Variants in RSRC1 observed in about 807,000 individuals in gnomAD.
RSRC1 encodes the protein arginine and serine rich coiled-coil 1.
Under a neutral mutation model 49.1 loss-of-function variants are expected in RSRC1, and 39 were observed. The observed-to-expected ratio is 0.79, with a 90% CI of 0.61 to 1.04. RSRC1 has a LOEUF of 1.04. Among genes scored for constraint, RSRC1 ranks in the 50% least tolerant of loss-of-function variants. The pLI, the probability that RSRC1 is intolerant of heterozygous loss-of-function variation, is 0.00. For missense variants in RSRC1, 388 were observed against 402.4 expected (o/e 0.96, Z 0.31); for synonymous variants, 143 against 130.8 (o/e 1.09, Z -0.63).
chr3:158,391,433 A>G (rs931737919), intron 6 of RSRC1, among the ~76,000 whole-genome samples: 4 of 152,156 alleles, frequency 2.6e-5, no homozygotes, highest in Admixed American at 1.3e-4. Flanking sequence ...AATGCCTACC[A>G]CTTGCCAGGA....
At chr3:158,135,290 G>A (rs1383795646) in intron 3 of RSRC1, among the ~76,000 whole-genome samples, 1 of 137,490 alleles carries the variant, frequency 7.3e-6, no homozygotes, top group Non-Finnish European at 1.6e-5. Context: ...TTTTTTTTGA[G>A]ACAGAATCTC....
chr3:158,397,880 A>T (rs916726781), intron 6 of RSRC1, among the ~76,000 whole-genome samples: 13 of 152,082 alleles, frequency 8.5e-5, no homozygotes, highest in African/African-American at 2.7e-4. Flanking sequence ...AGAGATAGAA[A>T]AGTTAGGTTA....
chr3:158,277,015 G>GTA (rs937566233), intron 4 of RSRC1, among the ~76,000 whole-genome samples: 67 of 152,202 alleles, frequency 4.4e-4, no homozygotes, highest in Admixed American at 3.7e-3. Context: ...GGGCTAAACA[G>GTA]TATATATATA....
intron 1 of RSRC1, among the ~76,000 whole-genome samples, chr3:158,116,440 G>T (rs1321064611): frequency 6.6e-6 from 1 of 152,072 alleles, no homozygotes; most frequent in East Asian, 1.9e-4. Flanking sequence ...CATTTCATAA[G>T]AATATTAAAA....
At chr3:158,389,419 A>G (rs1733151053) in intron 6 of RSRC1, among the ~76,000 whole-genome samples, 1 of 152,350 alleles carries the variant, frequency 6.6e-6, no homozygotes, top group African/African-American at 2.4e-5. Context: ...ATATTCAGCT[A>G]GATATTGTCA....
At chr3:158,205,671 C>G (rs1395011670) in intron 4 of RSRC1, among the ~76,000 whole-genome samples, 2 of 152,060 alleles carry the variant, frequency 1.3e-5, no homozygotes, top group Non-Finnish European at 2.9e-5. Flanking sequence ...CGAAACCTAA[C>G]TAAGAGTAGC....
intron 4 of RSRC1, among the ~76,000 whole-genome samples, chr3:158,273,066 A>G (rs965938072): frequency 1.3e-5 from 2 of 152,022 alleles, no homozygotes; most frequent in Admixed American, 6.6e-5. Context: ...ATCTTCTGAT[A>G]TTAGTGGAAA....
intron 5 of RSRC1, among the ~76,000 whole-genome samples, chr3:158,325,592 C>T (rs528345483): frequency 6.6e-6 from 1 of 152,162 alleles, no homozygotes; most frequent in South Asian, 2.1e-4. Context: ...ATCTATATCT[C>T]TGTTTTGGTA....
At chr3:158,336,918 TGGCCCTTGACCA>T (rs1729929961) in intron 5 of RSRC1, 1 of 152,226 alleles carries the variant, frequency 6.6e-6, no homozygotes, top group Non-Finnish European at 1.5e-5. Context: ...CAGTTTCTGA[TGGCCCTTGACCA>T]GGATGCTTAC....
At chr3:158,323,083 G>A (rs878933612) in intron 5 of RSRC1, among the ~76,000 whole-genome samples, 4 of 151,858 alleles carry the variant, frequency 2.6e-5, no homozygotes, top group Non-Finnish European at 5.9e-5. Flanking sequence ...GTAATTTTTG[G>A]TTGAAAATTG....
intron 5 of RSRC1, among the ~76,000 whole-genome samples, chr3:158,314,776 T>C (rs566881216): frequency 2.2e-4 from 33 of 152,310 alleles, no homozygotes; most frequent in African/African-American, 7.9e-4. Context: ...TTAAAAAATG[T>C]AGTGTCTTAT....
chr3:158,202,939 G>T, intron 3 of RSRC1, 133 bp from the exon 4 acceptor site: 1 of 575,504 alleles, frequency 1.7e-6, no homozygotes, highest in South Asian at 2.5e-5. Flanking sequence ...TCAGGTGCTT[G>T]CTTCACGTGG....
At chr3:158,374,240 A>G (rs1732232868) in intron 6 of RSRC1, among the ~76,000 whole-genome samples, 1 of 152,114 alleles carries the variant, frequency 6.6e-6, no homozygotes, top group Non-Finnish European at 1.5e-5. Context: ...ATTTGCTCCT[A>G]TTTATATGTA....
intron 5 of RSRC1, among the ~76,000 whole-genome samples, chr3:158,353,079 A>G (rs1031528651): frequency 4.6e-5 from 7 of 152,142 alleles, no homozygotes; most frequent in Admixed American, 4.6e-4. Flanking sequence ...CTCCTTCTCT[A>G]ATAACCAATC....
intron 3 of RSRC1, among the ~76,000 whole-genome samples, chr3:158,189,916 T>C (rs1026599369): frequency 6.6e-6 from 1 of 151,964 alleles, no homozygotes; most frequent in Non-Finnish European, 1.5e-5. Flanking sequence ...ACCTAGAATT[T>C]GTTGCATGGT....
chr3:158,511,903 T>G (rs2108474551), intron 7 of RSRC1, among the ~76,000 whole-genome samples: 1 of 152,266 alleles, frequency 6.6e-6, no homozygotes, highest in South Asian at 2.1e-4. Context: ...ATGTGTCTTT[T>G]GGCTGCATAA....
intron 7 of RSRC1, among the ~76,000 whole-genome samples, chr3:158,494,073 A>G (rs1016290839): frequency 1.6e-4 from 24 of 152,214 alleles, no homozygotes; most frequent in African/African-American, 5.8e-4. Context: ...TATCACTTCA[A>G]TATTAGTCAC....
chr3:158,419,062 G>A (rs545602551), intron 6 of RSRC1, among the ~76,000 whole-genome samples: 110 of 152,028 alleles, frequency 7.2e-4, no homozygotes, highest in African/African-American at 2.6e-3. Context: ...ACCTCCCGAT[G>A]GAATTAGCTT....
intron 6 of RSRC1, among the ~76,000 whole-genome samples, chr3:158,379,117 C>T (rs1578406533): frequency 6.6e-6 from 1 of 151,888 alleles, no homozygotes; most frequent in Non-Finnish European, 1.5e-5. Flanking sequence ...TTGCATGATT[C>T]CCACTAGTTC....
Sources: gnomAD v4.1 joint callset for allele counts (sites outside exome capture counted in the v4.1 genomes callset) on GRCh38, gnomAD v4.1.1 for gene constraint, MANE v1.5 for transcripts, NCBI Gene and HGNC (gene_info 2026-07-23, HGNC 2026-07-21) for gene names.